The following EPM2A variants were observed in gnomAD, a reference collection of about 807,000 sequenced individuals.
EPM2A encodes the protein EPM2A glucan phosphatase, laforin, also known as laforin.
A neutral mutation model predicts 26.5 loss-of-function variants in EPM2A; 21 were observed. That is an observed-to-expected ratio of 0.79 (90% CI 0.56 to 1.14). The LOEUF is 1.14. Among genes scored for constraint, EPM2A ranks in the 50% most tolerant of loss-of-function variants. The probability of loss-of-function intolerance (pLI) is 0.00; values close to 1 mark genes in which losing one functional copy is unlikely to be tolerated. For synonymous variants in EPM2A, 217 were observed against 177.6 expected (o/e 1.22, Z -1.76); for missense variants, 458 against 440.8 (o/e 1.04, Z -0.35).
intron 4 of EPM2A, chr6:145,384,123 A>G (rs1778226713): frequency 1.3e-5 from 2 of 151,718 alleles, no homozygotes; most frequent in South Asian, 4.2e-4. Flanking sequence ...GAGAGGGGAG[A>G]GTCTTGAGAT....
chr6:145,388,139 T>C (rs1476442907), intron 4 of EPM2A, among the ~76,000 whole-genome samples: 1 of 152,140 alleles, frequency 6.6e-6, no homozygotes, highest in Non-Finnish European at 1.5e-5. Context: ...AGGTTCATGG[T>C]TATTGAAGCT....
intron 1 of EPM2A, among the ~76,000 whole-genome samples, chr6:145,705,286 C>T (rs1309709981): frequency 2.0e-5 from 3 of 151,702 alleles, no homozygotes; most frequent in Non-Finnish European, 4.4e-5. Context: ...CTGTCTCTAC[C>T]AAAAACAAAC....
chr6:145,541,187 G>A (rs1178248900), intron 2 of EPM2A, among the ~76,000 whole-genome samples: 1 of 148,006 alleles, frequency 6.8e-6, no homozygotes, highest in African/African-American at 2.5e-5. Flanking sequence ...CTGTGTGTGT[G>A]TGTGTGTGTG....
intron 2 of EPM2A, among the ~76,000 whole-genome samples, chr6:145,569,636 A>T (rs956954866): frequency 1.3e-5 from 2 of 152,208 alleles, no homozygotes; most frequent in South Asian, 2.1e-4. Flanking sequence ...CTTTTTATGC[A>T]TAGCAATAAT....
At chr6:145,482,171 A>G (rs1407458355) in intron 4 of EPM2A, among the ~76,000 whole-genome samples, 1 of 152,190 alleles carries the variant, frequency 6.6e-6, no homozygotes, top group Non-Finnish European at 1.5e-5. Context: ...TTTGCAAATG[A>G]TAATTTCAGA....
At chr6:145,536,291 TTTTGTTTG>T (rs961409465) in intron 2 of EPM2A, among the ~76,000 whole-genome samples, 1 of 150,956 alleles carries the variant, frequency 6.6e-6, no homozygotes, top group Non-Finnish European at 1.5e-5. Flanking sequence ...TGGTTTTTGG[TTTTGTTTG>T]TTTGTTTGTT....
Position 145,597,043 on chromosome 6 carries a change from C to T in EPM2A, c.340+38202G>A, listed in dbSNP as rs1195354308. Among the ~76,000 whole-genome samples the T allele has an allele frequency of 4.6e-5, 7 of 151,102 alleles. No homozygotes were observed. The South Asian group carries it at 1.1e-3, about 23-fold the overall frequency. The stretch of plus-strand genomic sequence containing the variant: ...CCGAGTAGCTGGGACTACAGGCGCC[C>T]GCCACCGCGCCTGGCTAATTTTTTG... On this transcript the variant is annotated intron_variant, in intron 2 of 3. Transcript: ENST00000450221.
rs918089504 is a variant in EPM2A at position 145,625,623 on chromosome 6, T to C, written c.*1793A>G. ...AGTTACCTGAATACCAATTATTACC[T>C]CTAGTTATTTTTAGCAAGGGAGCTG... On this transcript the variant is annotated 3_prime_UTR_variant, in exon 4 of 4. Coordinates refer to ENST00000367519, the MANE Select transcript of EPM2A (RefSeq NM_005670.4). The C allele has an allele frequency of 2.8e-6, 2 of 718,968 alleles. No homozygotes were observed. The highest frequency in any genetic ancestry group is 2.6e-6 in the Non-Finnish European group (1 of 385,364). 44.5% of individuals were successfully genotyped at this position (718,968 alleles called of 1,614,324 possible).
intron 2 of EPM2A, among the ~76,000 whole-genome samples, chr6:145,507,693 T>C (rs1455821881): frequency 1.3e-5 from 2 of 152,208 alleles, no homozygotes; most frequent in Admixed American, 6.5e-5. Flanking sequence ...ACTGGGGTTC[T>C]AGCACTGGAG....
chr6:145,511,248 C>T (rs999785526), intron 2 of EPM2A, among the ~76,000 whole-genome samples: 2 of 152,094 alleles, frequency 1.3e-5, no homozygotes, highest in African/African-American at 4.8e-5. Context: ...CTCCCTGACT[C>T]ATTCTACAAA....
chr6:145,387,350 A>G lies in EPM2A; in HGVS notation c.556-3253T>C, dbSNP rs557164955. Among the ~76,000 whole-genome samples, 36 of 152,328 alleles carry G rather than the reference A, an allele frequency of 2.4e-4. 1 individual carries two copies. The highest frequency in any genetic ancestry group is 1.5e-4 in the Non-Finnish European group (10 of 68,028). On this transcript the variant is annotated intron_variant, in intron 4 of 4. Transcript: ENST00000638717. Reference sequence around the variant, plus strand: ...ACATCAAGCTTCTTCAGACATCCTCAACAGGGATTAAAGAGGCAGCCCACA... The same window carrying G: ...ACATCAAGCTTCTTCAGACATCCTCGACAGGGATTAAAGAGGCAGCCCACA...
intron 4 of EPM2A, among the ~76,000 whole-genome samples, chr6:145,477,583 T>C (rs1029611511): frequency 6.6e-6 from 1 of 151,964 alleles, no homozygotes; most frequent in Non-Finnish European, 1.5e-5. Context: ...TCATTCATCA[T>C]GACCAAGAGG....
rs570045031 is a variant in EPM2A at position 145,405,418 on chromosome 6, T to C, written c.556-21321A>G. On this transcript the variant is annotated intron_variant, in intron 4 of 4. Transcript: ENST00000638717. The stretch of plus-strand genomic sequence containing the variant: ...CCTTTCATCCTAAGGCAAGACTTTC[T>C]CTTGGGGACTATAAGTACATGAATG... 3.3e-5 allele frequency among the ~76,000 whole-genome samples: 5 copies of C among 152,176 alleles called. No individual in the cohort carries two copies. The South Asian group carries it at 1.0e-3, about 32-fold the overall frequency.
intron 2 of EPM2A, among the ~76,000 whole-genome samples, chr6:145,610,668 T>C (rs1206331470): frequency 2.0e-5 from 3 of 152,250 alleles, no homozygotes; most frequent in Non-Finnish European, 4.4e-5. Context: ...CTAGGTCTTG[T>C]TTTCTCTGTC....
At chr6:145,701,770 C>G (rs1253245862) in intron 1 of EPM2A, among the ~76,000 whole-genome samples, 1 of 152,188 alleles carries the variant, frequency 6.6e-6, no homozygotes, top group Non-Finnish European at 1.5e-5. Context: ...TTTCCTTAGG[C>G]ATCACATCTC....
At chr6:145,532,506 G>A (rs900155376) in intron 2 of EPM2A, among the ~76,000 whole-genome samples, 3 of 152,100 alleles carry the variant, frequency 2.0e-5, no homozygotes, top group African/African-American at 7.2e-5. Context: ...GTGGGGGGAG[G>A]CAACCAGGTT....
chr6:145,704,061 C>G (rs1228522127), intron 1 of EPM2A, among the ~76,000 whole-genome samples: 1 of 152,122 alleles, frequency 6.6e-6, no homozygotes, highest in Non-Finnish European at 1.5e-5. Flanking sequence ...CTTTTAATTA[C>G]CTACATCAAA....
chr6:145,651,822 T>C (rs1304892442), intron 2 of EPM2A, among the ~76,000 whole-genome samples: 1 of 152,146 alleles, frequency 6.6e-6, no homozygotes, highest in Non-Finnish European at 1.5e-5. Context: ...AAATATTTCA[T>C]AGTTTGGGAT....
intron 2 of EPM2A, among the ~76,000 whole-genome samples, chr6:145,546,256 T>C (rs762268220): frequency 2.0e-5 from 3 of 152,020 alleles, no homozygotes; most frequent in Non-Finnish European, 4.4e-5. Context: ...AGTTCCAGAG[T>C]ACAAAGTCTG....
Sources: gnomAD v4.1 joint callset for allele counts (sites outside exome capture counted in the v4.1 genomes callset) on GRCh38, gnomAD v4.1.1 for gene constraint, MANE v1.5 for transcripts, NCBI Gene and HGNC (gene_info 2026-07-23, HGNC 2026-07-21) for gene names.